Variants in AHRR observed in about 807,000 individuals in gnomAD.
AHRR encodes aryl hydrocarbon receptor repressor.
A neutral mutation model predicts 44.0 loss-of-function variants in AHRR; 28 were observed. The observed-to-expected ratio is 0.64, with a 90% confidence interval of 0.47 to 0.87. The LOEUF (loss-of-function observed/expected upper bound fraction) is 0.87, where lower values mean the gene tolerates loss of function less well. Among genes scored for constraint, AHRR ranks in the 40% least tolerant of loss-of-function variants. The pLI is 0.00. For missense variants in AHRR, 990 were observed against 953.9 expected (o/e 1.04, Z -0.50); for synonymous variants, 434 against 407.0 (o/e 1.07, Z -0.80).
chr5:422,556 C>T (rs1230692444), intron 5 of AHRR, 173 bp from the exon 6 acceptor site: 9 of 827,958 alleles, frequency 1.1e-5, no homozygotes, highest in South Asian at 3.3e-5. Flanking sequence ...GACATCTTCT[C>T]AGGAGGGAGT....
rs1743511882 is a variant in AHRR, at chr5:370,038, CCCTCCCGGGCTCTTGCTGGTGCCCCAT to C, written c.245-6561_245-6535del. On this transcript the variant is annotated intron_variant, in intron 3 of 10. Coordinates refer to ENST00000684583, the MANE Select transcript of AHRR (RefSeq NM_001377236.1). This position sits in a 1 kb window ranked among gnomAD's most constrained non-coding sequence, Gnocchi z 4.5. Reference sequence around the variant, plus strand: ...TCTTGGCTCTGAGAGCACTGCCCTGCCCTCCCGGGCTCTTGCTGGTGCCCCATCCTCCCGGGCCCTCGCTGGAAGCCC... The same window carrying C: ...TCTTGGCTCTGAGAGCACTGCCCTGCCCTCCCGGGCCCTCGCTGGAAGCCC... 2.0e-5 allele frequency among the ~76,000 whole-genome samples: 3 copies of C among 152,036 alleles called. No homozygotes were observed. The highest frequency in any genetic ancestry group is 6.5e-5 in the Admixed American group (1 of 15,274).
rs1193910172 is a variant in AHRR, at chr5:411,608, A to G, written c.352-1736A>G. 6.6e-6 allele frequency among the ~76,000 whole-genome samples: 1 copy of G among 152,258 alleles called. No individual in the cohort carries two copies. The highest frequency in any genetic ancestry group is 1.5e-5 in the Non-Finnish European group (1 of 68,038). ...GTTTTTCAATGTCATTAGTAATCAA[A>G]GAAATGAAAACTATAATGGTAAAAT... On this transcript the variant is annotated intron_variant, in intron 4 of 10. Transcript: ENST00000684583. The surrounding 1 kb of genome is among the most constrained non-coding windows in gnomAD (Gnocchi z 4.2).
rs765123658 is a variant in AHRR at position 338,107 on chromosome 5, G to A, written c.-10-5786G>A. Among the ~76,000 whole-genome samples the A allele has an allele frequency of 6.6e-6, 1 of 152,168 alleles. No individual in the cohort carries two copies. Among genetic ancestry groups the A allele is most frequent in the Non-Finnish European group, 1.5e-5 (1 of 68,042 alleles). On this transcript the variant is annotated intron_variant, in intron 1 of 10. Coordinates refer to ENST00000684583, the MANE Select transcript of AHRR (RefSeq NM_001377236.1). This position sits in a 1 kb window ranked among gnomAD's most constrained non-coding sequence, Gnocchi z 4.1. ...TACATGTCTCCCCTCCCGGGTCTGT[G>A]TAGCCGCCATATACTTGATGTCCAC...
chr5:364,589 A>G (rs191696983), intron 3 of AHRR, among the ~76,000 whole-genome samples: 2 of 152,284 alleles, frequency 1.3e-5, no homozygotes, highest in African/African-American at 4.8e-5. Context: ...AAATATAATC[A>G]ATCAAAAGGA....
intron 4 of AHRR, 75 bp downstream of exon 4, chr5:376,791 C>T (rs1733721216): frequency 1.5e-6 from 2 of 1,310,306 alleles, no homozygotes; most frequent in Admixed American, 4.0e-5. Flanking sequence ...CTCAGTCATA[C>T]TCCGTGTCAC....
intron 4 of AHRR, among the ~76,000 whole-genome samples, chr5:402,325 C>T (rs1056375314): frequency 9.9e-5 from 15 of 151,834 alleles, no homozygotes; most frequent in East Asian, 1.9e-4. Flanking sequence ...AGGGGACCCT[C>T]GTGCACTGTT....
intron 3 of AHRR, among the ~76,000 whole-genome samples, chr5:368,359 G>A (rs150400588): frequency 0.033 from 5,078 of 152,244 alleles, 140 homozygotes; most frequent in Middle Eastern, 0.048. Flanking sequence ...CTGCAGTGTT[G>A]ACCGCTCACT....
intron 1 of AHRR, among the ~76,000 whole-genome samples, chr5:329,254 G>C (rs778498008): frequency 3.9e-5 from 6 of 152,098 alleles, no homozygotes; most frequent in Non-Finnish European, 2.9e-5. Flanking sequence ...CCAGGCTAGA[G>C]TGCATTGGCG....
At chr5:427,035 ATGGATGGATGGGTGGG>A (rs1214443229) in intron 7 of AHRR, among the ~76,000 whole-genome samples, 3 of 145,466 alleles carry the variant, frequency 2.1e-5, no homozygotes, top group East Asian at 2.2e-4. Context: ...TGGGAAGATG[ATGGATGGATGGGTGGG>A]TGGATGGATG....
At chr5:323,076 G>A (rs1276250894) in intron 1 of AHRR, among the ~76,000 whole-genome samples, 2 of 152,244 alleles carry the variant, frequency 1.3e-5, no homozygotes, top group African/African-American at 4.8e-5. Context: ...CCCGTGAGCA[G>A]CACCCAGGAG....
intron 4 of AHRR, chr5:403,894 G>A: frequency 5.7e-6 from 9 of 1,587,498 alleles, no homozygotes; most frequent in Non-Finnish European, 7.8e-6. Context: ...TTGTGGCCTA[G>A]ATGAGAATGT....
chr5:402,088 C>A (rs533539660), intron 4 of AHRR, among the ~76,000 whole-genome samples: 1 of 152,214 alleles, frequency 6.6e-6, no homozygotes, highest in African/African-American at 2.4e-5. Context: ...ACATAAGGAA[C>A]CCAGCCAACT....
intron 2 of AHRR, among the ~76,000 whole-genome samples, chr5:353,414 G>A (rs371547763): frequency 1.3e-5 from 2 of 152,276 alleles, no homozygotes; most frequent in East Asian, 3.9e-4. Context: ...GATCCGTAGT[G>A]GAGAGGTGGA....
chr5:373,240 C>T (rs1205611996), intron 3 of AHRR, among the ~76,000 whole-genome samples: 2 of 152,236 alleles, frequency 1.3e-5, no homozygotes, highest in Admixed American at 6.5e-5. Context: ...CCCTGCCCCG[C>T]GGCCCTGGCC....
At chr5:329,103 T>A (rs1418924818) in intron 1 of AHRR, among the ~76,000 whole-genome samples, 3 of 152,196 alleles carry the variant, frequency 2.0e-5, no homozygotes, top group Non-Finnish European at 2.9e-5. Flanking sequence ...GTTTGATAAA[T>A]GGTAGTTTTT....
rs546728179 is a variant in AHRR, at chr5:337,446, T to G, written c.-10-6447T>G. ...CAGGCTGGAGTGCAGTGGTGTGATC[T>G]GGGCTCACTGCAGCCTTGACCTCCC... is the stretch of plus-strand genomic sequence containing the variant. On this transcript the variant is annotated intron_variant, in intron 1 of 10. Coordinates refer to ENST00000684583, the MANE Select transcript of AHRR (RefSeq NM_001377236.1). The surrounding 1 kb of genome is among the most constrained non-coding windows in gnomAD (Gnocchi z 4.1). 2.0e-5 allele frequency among the ~76,000 whole-genome samples: 3 copies of G among 152,280 alleles called. No homozygotes were observed. The East Asian group carries it at 5.8e-4, about 29-fold the overall frequency.
chr5:378,803 A>G (rs574294006), intron 4 of AHRR, among the ~76,000 whole-genome samples: 1 of 152,214 alleles, frequency 6.6e-6, no homozygotes, highest in Non-Finnish European at 1.5e-5. Context: ...TGGGTTTAGC[A>G]TGACTCACTG....
intron 4 of AHRR, among the ~76,000 whole-genome samples, chr5:389,937 G>A (rs1734341589): frequency 8.8e-6 from 1 of 113,202 alleles, no homozygotes; most frequent in African/African-American, 3.4e-5. Context: ...GAGGGGGAGG[G>A]GAAGGGAGGG....
intron 2 of AHRR, among the ~76,000 whole-genome samples, chr5:353,462 T>C: frequency 6.6e-6 from 1 of 152,162 alleles, no homozygotes; most frequent in East Asian, 1.9e-4. Flanking sequence ...CCGTGCCCTG[T>C]CTCCGTGCTC....
Sources: gnomAD v4.1 joint callset for allele counts (sites outside exome capture counted in the v4.1 genomes callset) on GRCh38, gnomAD v4.1.1 for gene constraint, Gnocchi (gnomAD v3.1) non-coding constraint, MANE v1.5 for transcripts, NCBI Gene and HGNC (gene_info 2026-07-23, HGNC 2026-07-21) for gene names.